Variants in NOS3 observed in about 807,000 individuals in gnomAD.
NOS3 encodes the protein NOS type III.
In NOS3, 98 loss-of-function variants were observed where a neutral mutation model predicts 144.9. That is an observed-to-expected ratio of 0.68 (90% CI 0.57 to 0.80). The LOEUF (loss-of-function observed/expected upper bound fraction) is 0.80. Among genes scored for constraint, NOS3 ranks in the 30% least tolerant of loss-of-function variants. The pLI is 0.00. For missense variants in NOS3, 1,465 were observed against 1,656.4 expected, an observed-to-expected ratio of 0.88 and a Z score of 2.01; for synonymous variants, 714 against 702.4, an observed-to-expected ratio of 1.02 and a Z score of -0.26.
In NOS3 at chr7:151,001,833, C is replaced by T. The variant is rs1795106408; in HGVS notation, c.1515C>T (p.Ile505=). Residue 505 remains isoleucine (I), a synonymous_variant, in exon 13 of 27, where the codon ATC becomes ATT. Transcript: ENST00000297494. ...TCCTCTCCCGCAGCGCCGTGAAGAT[C>T]TCCGCCTCGCTCATGGGCACGGTGA... ...TFKEVANAVK[I]SASLMGTVMA... 7.4e-6 allele frequency: 12 copies of T among 1,613,732 alleles called. No individual in the cohort carries two copies. Among genetic ancestry groups the T allele is most frequent in the Non-Finnish European group, 1.0e-5 (12 of 1,180,022 alleles).
chr7:151,013,010 G>A, intron 24 of NOS3: 1 of 556,804 alleles, frequency 1.8e-6, no homozygotes, highest in Non-Finnish European at 3.1e-6. Context: ...GCTCCACCAG[G>A]GGCCACCACC....
intron 19 of NOS3, 49 bp downstream of exon 19, chr7:151,009,316 G>T: frequency 7.2e-7 from 1 of 1,394,150 alleles, no homozygotes; most frequent in South Asian, 1.2e-5. Context: ...TGAACACCCT[G>T]ACCCTGGACC....
Position 150,996,425 on chromosome 7 carries a change from C to T in NOS3, c.292C>T (p.Arg98Cys), listed in dbSNP as rs1404768705. 60 of 1,494,054 alleles carry T rather than the reference C, an allele frequency of 4.0e-5. No homozygotes were observed. Among genetic ancestry groups the T allele is most frequent in the Non-Finnish European group, 4.8e-5 (54 of 1,117,330 alleles). 92.5% of individuals were successfully genotyped at this position (1,494,054 alleles called of 1,614,324 possible). Residue 98 changes from arginine (R) to cysteine (C), a missense_variant, in exon 4 of 27, where the codon CGC becomes TGC. This residue lies in a region of NOS3 where 374 missense variants were observed against 377.0 expected (regional missense o/e 0.99). Coordinates refer to ENST00000297494, the MANE Select transcript of NOS3 (RefSeq NM_000603.5). ...CCAGGATGGGCCCTGCACCCCAAGA[C>T]GCTGCCTGGGCTCCCTGGTATTTCC... ...AQQDGPCTPRRCLGSLVFPRK... is the reference protein window; with the variant it reads ...AQQDGPCTPRCCLGSLVFPRK...
In NOS3 at chr7:151,002,096, G is replaced by A. The variant is rs972340648; in HGVS notation, c.1648-104G>A. 36 of 1,430,142 alleles carry A rather than the reference G, an allele frequency of 2.5e-5. No homozygotes were observed. In the African/African-American group the frequency reaches 3.4e-4, roughly 13 times the overall value. 88.6% of individuals were successfully genotyped at this position (1,430,142 alleles called of 1,614,324 possible). ...GAACCCGGAACCACAGGTGTTCAGA[G>A]ATCAAGTTGGGGCCTGAATCTTGCA... On this transcript the variant is annotated intron_variant, in intron 13 of 26. Coordinates refer to ENST00000297494, the MANE Select transcript of NOS3 (RefSeq NM_000603.5). The surrounding 1 kb of genome is among the most constrained non-coding windows in gnomAD (Gnocchi z 4.1).
At position 151,007,251 on chromosome 7, in the gene NOS3, G is replaced by A. The variant is rs372783097; in HGVS notation, c.2087G>A (p.Arg696Gln). ...CTGTGCGGCCAGGAGGAGGCCTTCCGAGGCTGGGCCCAGGCTGCCTTCCAG... is the reference window on the plus strand; with the variant it reads ...CTGTGCGGCCAGGAGGAGGCCTTCCAAGGCTGGGCCCAGGCTGCCTTCCAG... ...DELCGQEEAF[R>Q]GWAQAAFQAA... is the part of the protein sequence containing the mutation. Residue 696 changes from arginine to glutamine, a missense_variant, in exon 17 of 27, where the codon CGA (arginine) becomes CAA (glutamine). Around this residue, in one of 5 missense-constraint regions of NOS3, gnomAD observed 745 missense variants for 853.9 expected, o/e 0.87. Coordinates refer to ENST00000297494, the MANE Select transcript of NOS3 (RefSeq NM_000603.5). 34 of 1,604,030 alleles carry A rather than the reference G, an allele frequency of 2.1e-5. No individual in the cohort carries two copies. Among genetic ancestry groups the A allele is most frequent in the African/African-American group, 8.0e-5 (6 of 75,006 alleles).
At chr7:151,009,288 G>GA in intron 19 of NOS3, 21 bp downstream of exon 19, 1 of 1,590,516 alleles carries the variant, frequency 6.3e-7, no homozygotes, top group African/African-American at 1.4e-5. Flanking sequence ...CGGCTTTACC[G>GA]CCCCCCCACC....
rs1795385140 is a variant in NOS3 at position 151,014,128 on chromosome 7, T to C, written c.3571T>C (p.Trp1191Arg). The C allele has an allele frequency of 1.9e-6, 3 of 1,612,214 alleles. No individual in the cohort carries two copies. Among genetic ancestry groups the C allele is most frequent in the Non-Finnish European group, 2.5e-6 (3 of 1,178,908 alleles). ...QERQLRGAVP[W>R]AFDPPGSDTN... ...GCGTCAGTTGCGGGGCGCAGTGCCC[T>C]GGGCGTTCGACCCTCCCGGCTCAGA... Residue 1191 changes from tryptophan to arginine, a missense_variant, in exon 27 of 27, where the codon TGG becomes CGG. This residue lies in a region of NOS3 where 228 missense variants were observed against 227.7 expected (regional missense o/e 1.00). Transcript: ENST00000297494.
At chr7:151,004,507 T>C (rs1345680366) in intron 14 of NOS3, among the ~76,000 whole-genome samples, 1 of 152,196 alleles carries the variant, frequency 6.6e-6, no homozygotes, top group Non-Finnish European at 1.5e-5. Flanking sequence ...GGAATATTTA[T>C]AGCAAATTTG....
At chr7:151,007,061 G>A (rs1376813863) in intron 16 of NOS3, 41 bp from the exon 17 acceptor site, 2 of 1,613,918 alleles carry the variant, frequency 1.2e-6, no homozygotes, top group Admixed American at 1.7e-5. Flanking sequence ...GGGCAAACGT[G>A]GCCTGCAAAG....
chr7:151,013,214 C>CGCGGGGTTGCTT lies in NOS3; in HGVS notation c.3107-14_3107-3dup. The CGCGGGGTTGCTT allele has an allele frequency of 6.2e-7, 1 of 1,606,804 alleles. No homozygotes were observed. On this transcript the variant is annotated splice_polypyrimidine_tract_variant and intron_variant, in intron 24 of 26. Transcript: ENST00000297494. The stretch of plus-strand genomic sequence containing the variant: ...TGCCCCGGAGAAGAGCCTTCCCAAG[C>CGCGGGGTTGCTT]GCGGGGTTGCTTGCAGGGCTGCAGC...
At position 150,991,240 on chromosome 7, in the gene NOS3, A is replaced by G. The variant is rs1802248654; in HGVS notation, c.-112A>G. The G allele has an allele frequency of 6.6e-6, 1 of 152,280 alleles. No individual in the cohort carries two copies. The highest frequency in any genetic ancestry group is 2.1e-4 in the South Asian group (1 of 4,838). 9.4% of individuals were successfully genotyped at this position (152,280 alleles called of 1,614,324 possible). A position where few individuals can be genotyped will look rare whatever the true frequency, so the allele number is the denominator to read the frequency against. On this transcript the variant is annotated 5_prime_UTR_variant, in exon 1 of 27. An upstream start codon of the reference 5' UTR is lost. Coordinates refer to ENST00000297494, the MANE Select transcript of NOS3 (RefSeq NM_000603.5). ...CCTACACAAGACTCCAGGGAAGCAC[A>G]TGGCCTTGGACTGAAGGCTGGCATC... is the stretch of plus-strand genomic sequence containing the variant.
chr7:151,008,064 T>G (rs1301241584), intron 17 of NOS3, among the ~76,000 whole-genome samples: 1 of 152,074 alleles, frequency 6.6e-6, no homozygotes, highest in Non-Finnish European at 1.5e-5. Flanking sequence ...AAAATAAGAC[T>G]TAAAGAATTT....
rs149539813 is a variant in NOS3, at chr7:150,998,988, G to A, written c.859G>A (p.Asp287Asn). 2,158 of 1,612,604 alleles carry A rather than the reference G, an allele frequency of 1.3e-3. 11 individuals are homozygous for A. Among genetic ancestry groups the A allele is most frequent in the Non-Finnish European group, 1.2e-3 (1,421 of 1,179,904 alleles). Residue 287 changes from aspartate (D) to asparagine (N), a missense_variant, in exon 8 of 27, where the codon GAC (aspartate) becomes AAC (asparagine). Coordinates refer to ENST00000297494, the MANE Select transcript of NOS3 (RefSeq NM_000603.5). This position sits in a 1 kb window ranked among gnomAD's most constrained non-coding sequence, Gnocchi z 5.0. The part of the protein sequence containing the change: ...HGWTPGNGRF[D>N]VLPLLLQAPD... ...CTGGACCCCAGGAAACGGTCGCTTC[G>A]ACGTGCTGCCCCTGCTGCTGCAGGC...
chr7:151,012,614 G>C (rs1473663232), intron 24 of NOS3, 142 bp downstream of exon 24: 1 of 1,039,138 alleles, frequency 9.6e-7, no homozygotes, highest in Admixed American at 2.6e-5. Context: ...AGACCAAGGG[G>C]AGGGCAGGTA....
intron 2 of NOS3, among the ~76,000 whole-genome samples, chr7:150,994,494 C>T (rs1243293189): frequency 6.6e-6 from 1 of 152,120 alleles, no homozygotes; most frequent in East Asian, 1.9e-4. Flanking sequence ...AGGCTTTTTT[C>T]CCCTGCTCCA....
Position 150,996,870 on chromosome 7 carries a change from A to G in NOS3, c.527A>G (p.Gln176Arg). The change falls in exon 5 of 27, where the codon CAG becomes CGG. Residue 176 changes from glutamine (Q) to arginine (R), a missense_variant. Gln to Arg is a conservative substitution (Grantham distance 43). This residue lies in a region of NOS3 where 374 missense variants were observed against 377.0 expected (regional missense o/e 0.99). Transcript: ENST00000297494. Reference sequence around the variant, plus strand: ...AGCGAGCTGGTGTTCGGGGCTAAGCAGGCCTGGCGCAACGCTCCCCGCTGC... The same window carrying G: ...AGCGAGCTGGTGTTCGGGGCTAAGCGGGCCTGGCGCAACGCTCCCCGCTGC... ...RESELVFGAKQAWRNAPRCVG... is the reference protein window; with the variant it reads ...RESELVFGAKRAWRNAPRCVG... 1 of 1,591,230 alleles carries G rather than the reference A, an allele frequency of 6.3e-7. No individual in the cohort carries two copies. The highest frequency in any genetic ancestry group is 1.3e-5 in the African/African-American group (1 of 74,688).
In NOS3 at chr7:151,014,136, C is replaced by T. The variant is rs915666995; in HGVS notation, c.3579C>T (p.Phe1193=). Residue 1193 remains phenylalanine, a synonymous_variant, in exon 27 of 27, where the codon TTC becomes TTT. Coordinates refer to ENST00000297494, the MANE Select transcript of NOS3 (RefSeq NM_000603.5). ...TGCGGGGCGCAGTGCCCTGGGCGTT[C>T]GACCCTCCCGGCTCAGACACCAACA... ...RQLRGAVPWA[F]DPPGSDTNSP 6 of 1,610,982 alleles carry T rather than the reference C, an allele frequency of 3.7e-6. No individual in the cohort carries two copies. In the African/African-American group the frequency reaches 8.0e-5, roughly 22 times the overall value.
Position 151,012,357 on chromosome 7 carries a change from C to T in NOS3, c.2991C>T (p.Pro997=), listed in dbSNP as rs1304886103. ...GGAGTGTCTCTCCTGCCAGGGCTCCCTCCTTCCGGCTGCCACCCGATCCCA... is the reference window on the plus strand; with the variant it reads ...GGAGTGTCTCTCCTGCCAGGGCTCCTTCCTTCCGGCTGCCACCCGATCCCA... ...DPVPCFIRGA[P]SFRLPPDPSL... is the part of the protein sequence containing the mutation. Residue 997 remains proline, a synonymous_variant, in exon 24 of 27, where the codon CCC becomes CCT. Transcript: ENST00000297494. The T allele has an allele frequency of 3.8e-6, 6 of 1,563,042 alleles. No homozygotes were observed. The highest frequency in any genetic ancestry group is 1.7e-4 in the Middle Eastern group (1 of 5,812).
chr7:151,013,743 T>C lies in NOS3; in HGVS notation c.3275T>C (p.Leu1092Pro). 6.2e-7 allele frequency: 1 copy of C among 1,609,414 alleles called. No individual in the cohort carries two copies. The highest frequency in any genetic ancestry group is 8.5e-7 in the Non-Finnish European group (1 of 1,178,572). Residue 1092 changes from leucine (L) to proline (P), a missense_variant, in exon 26 of 27, where the codon CTG (leucine) becomes CCG (proline). By Grantham distance (98) the Leu-to-Pro change is moderately conservative (BLOSUM62 -3). Coordinates refer to ENST00000297494, the MANE Select transcript of NOS3 (RefSeq NM_000603.5). ...CCGCAGACCTACGTGCAGGACATCC[T>C]GAGGACGGAGCTGGCTGCGGAGGTG... ...DNPKTYVQDILRTELAAEVHR... is the reference protein window; with the variant it reads ...DNPKTYVQDIPRTELAAEVHR...
Sources: allele counts gnomAD v4.1 joint callset (sites outside exome capture counted in the v4.1 genomes callset), GRCh38; gene constraint gnomAD v4.1.1; regional missense constraint gnomAD v4.1.1; non-coding constraint Gnocchi (gnomAD v3.1); transcripts MANE v1.5; gene names NCBI Gene and HGNC (gene_info 2026-07-23, HGNC 2026-07-21).